The following NRCAM variants were observed in gnomAD, a reference collection of about 807,000 sequenced individuals.
NRCAM encodes neuronal cell adhesion molecule, also known as NgCAM-related cell adhesion molecule.
Under a neutral mutation model 156.5 loss-of-function variants are expected in NRCAM, and 83 were observed. That is an observed-to-expected ratio of 0.53 (90% confidence interval 0.44 to 0.64). The LOEUF (loss-of-function observed/expected upper bound fraction) is 0.64, where lower values mean the gene tolerates loss of function less well. Ranked by LOEUF, NRCAM falls within the 30% of genes least tolerant of loss-of-function variation. The pLI is 0.00. For missense variants in NRCAM, 1,417 were observed against 1,597.3 expected (o/e 0.89, Z 1.92); for synonymous variants, 538 against 563.9 (o/e 0.95, Z 0.65).
intron 2 of NRCAM, among the ~76,000 whole-genome samples, chr7:108,387,482 C>T (rs1307974175): frequency 6.6e-6 from 1 of 152,020 alleles, no homozygotes; most frequent in Non-Finnish European, 1.5e-5. Flanking sequence ...GTTCCAGGCA[C>T]TGAATATTTT....
intron 1 of NRCAM, among the ~76,000 whole-genome samples, chr7:108,433,190 T>C (rs565113241): frequency 1.7e-4 from 26 of 152,188 alleles, no homozygotes; most frequent in African/African-American, 6.3e-4. Context: ...TTCCAAGCAT[T>C]GTCTTCCATA....
At chr7:108,337,427 C>T (rs2099209845) in intron 2 of NRCAM, among the ~76,000 whole-genome samples, 1 of 152,222 alleles carries the variant, frequency 6.6e-6, no homozygotes, top group South Asian at 2.1e-4. Context: ...CTGTTTGCCA[C>T]CGTTGCAGAC....
intron 2 of NRCAM, among the ~76,000 whole-genome samples, chr7:108,325,938 T>A (rs2099064049): frequency 6.6e-6 from 1 of 152,070 alleles, no homozygotes; most frequent in Admixed American, 6.6e-5. Context: ...AGCATTTACC[T>A]TGGGGAAAGG....
chr7:108,243,456 A>C (rs1352633890), intron 3 of NRCAM, among the ~76,000 whole-genome samples: 1 of 152,236 alleles, frequency 6.6e-6, no homozygotes, highest in Non-Finnish European at 1.5e-5. Flanking sequence ...GTAGGAGTCC[A>C]TCTGCCTTGT....
intron 1 of NRCAM, among the ~76,000 whole-genome samples, chr7:108,447,044 T>C (rs1342793425): frequency 1.3e-5 from 2 of 152,068 alleles, no homozygotes; most frequent in Non-Finnish European, 2.9e-5. Flanking sequence ...TCTACCTCTT[T>C]ACTAATTTTT....
At chr7:108,220,383 C>G (rs556393687) in intron 11 of NRCAM, among the ~76,000 whole-genome samples, 1 of 152,040 alleles carries the variant, frequency 6.6e-6, no homozygotes, top group Non-Finnish European at 1.5e-5. Context: ...AGACCCCACA[C>G]AGCCAAAGCA....
chr7:108,365,531 G>A (rs563083029), intron 2 of NRCAM, among the ~76,000 whole-genome samples: 8 of 152,168 alleles, frequency 5.3e-5, no homozygotes, highest in African/African-American at 1.7e-4. Flanking sequence ...TTTCTTTATA[G>A]TGAGAACATT....
At chr7:108,311,550 T>TGAAAAG (rs1322078825) in intron 3 of NRCAM, among the ~76,000 whole-genome samples, 19 of 152,330 alleles carry the variant, frequency 1.2e-4, no homozygotes, top group African/African-American at 4.3e-4. Context: ...ATTTTCACTT[T>TGAAAAG]TCAGGGACTG....
Position 108,430,153 on chromosome 7 carries a change from T to G in NRCAM, c.-332+26090A>C, listed in dbSNP as rs537023207. Among the ~76,000 whole-genome samples, 214 of 151,976 alleles carry G rather than the reference T, an allele frequency of 1.4e-3. 1 individual carries two copies. Among genetic ancestry groups the G allele is most frequent in the African/African-American group, 4.9e-3 (205 of 41,428 alleles). Reference sequence around the variant, plus strand: ...GTCATGTCCAGTAGTATGTTGCGGGTTTGGTTTGTTTTCGTTTTTGGTAAG... The same window carrying G: ...GTCATGTCCAGTAGTATGTTGCGGGGTTGGTTTGTTTTCGTTTTTGGTAAG... On this transcript the variant is annotated intron_variant, in intron 1 of 32. Coordinates refer to ENST00000379028, the MANE Select transcript of NRCAM (RefSeq NM_001037132.4).
intron 1 of NRCAM, among the ~76,000 whole-genome samples, chr7:108,419,534 A>T (rs1196570063): frequency 1.2e-5 from 1 of 82,716 alleles, no homozygotes; most frequent in South Asian, 5.7e-4. Context: ...CCTTTTCTTC[A>T]TGAGTTTGGC....
intron 3 of NRCAM, among the ~76,000 whole-genome samples, chr7:108,252,615 AT>A (rs1293446191): frequency 4.0e-5 from 6 of 151,892 alleles, no homozygotes; most frequent in Non-Finnish European, 8.8e-5. Flanking sequence ...TTAACTTCTG[AT>A]TTTTATCAAA....
In NRCAM at chr7:108,170,815, C is replaced by T. The variant is rs574944075; in HGVS notation, c.3188-2413G>A. On this transcript the variant is annotated intron_variant, in intron 28 of 32. Coordinates refer to ENST00000379028, the MANE Select transcript of NRCAM (RefSeq NM_001037132.4). ...ATCTAAAAAAGTTGTACTTAGAGAA[C>T]GAGTGTAGAATAGTGGTTGCCAGGG... Among the ~76,000 whole-genome samples, 7 of 151,546 alleles carry T rather than the reference C, an allele frequency of 4.6e-5. No homozygotes were observed. The South Asian group carries it at 1.2e-3, about 27-fold the overall frequency.
chr7:108,269,588 A>G (rs1428906274), intron 3 of NRCAM, among the ~76,000 whole-genome samples: 4 of 152,206 alleles, frequency 2.6e-5, no homozygotes, highest in African/African-American at 9.7e-5. Context: ...TGTTCCCTAC[A>G]GGTTACACAC....
chr7:108,344,821 A>G (rs956352454), intron 2 of NRCAM, among the ~76,000 whole-genome samples: 4 of 152,248 alleles, frequency 2.6e-5, no homozygotes, highest in Admixed American at 2.6e-4. Flanking sequence ...AAAAAAGTAC[A>G]TAGAGACAAT....
intron 1 of NRCAM, among the ~76,000 whole-genome samples, chr7:108,447,657 G>C (rs1845979226): frequency 6.6e-6 from 1 of 152,062 alleles, no homozygotes; most frequent in Non-Finnish European, 1.5e-5. Flanking sequence ...AGTGGATTTG[G>C]CTAGGAATTT....
intron 1 of NRCAM, among the ~76,000 whole-genome samples, chr7:108,412,031 CA>C (rs1796026670): frequency 6.6e-6 from 1 of 152,120 alleles, no homozygotes; most frequent in Non-Finnish European, 1.5e-5. Context: ...TGATTATTTA[CA>C]ATTTAAATTT....
intron 1 of NRCAM, among the ~76,000 whole-genome samples, chr7:108,429,125 G>A (rs1228498728): frequency 6.6e-6 from 1 of 152,024 alleles, no homozygotes; most frequent in Non-Finnish European, 1.5e-5. Flanking sequence ...AATTTAAATT[G>A]CAAAACAATA....
intron 28 of NRCAM, among the ~76,000 whole-genome samples, chr7:108,173,978 A>G (rs2059514305): frequency 6.6e-6 from 1 of 152,188 alleles, no homozygotes; most frequent in Non-Finnish European, 1.5e-5. Flanking sequence ...CTCTGCTATC[A>G]GCTCTAGGCA....
At chr7:108,331,686 T>C (rs527464812) in intron 2 of NRCAM, among the ~76,000 whole-genome samples, 4 of 152,322 alleles carry the variant, frequency 2.6e-5, no homozygotes, top group Non-Finnish European at 4.4e-5. Context: ...ACAGACACCA[T>C]CTATGAATGA....
Sources: gnomAD v4.1 joint callset for allele counts (sites outside exome capture counted in the v4.1 genomes callset) on GRCh38, gnomAD v4.1.1 for gene constraint, MANE v1.5 for transcripts, NCBI Gene and HGNC (gene_info 2026-07-23, HGNC 2026-07-21) for gene names.